The following ABCC1 variants were observed in gnomAD, a reference collection of about 807,000 sequenced individuals.
The protein encoded by ABCC1 is multidrug resistance-associated protein 1.
Under a neutral mutation model 172.9 loss-of-function variants are expected in ABCC1, and 83 were observed. That is an observed-to-expected ratio of 0.48 (90% CI 0.40 to 0.58). ABCC1 has a LOEUF of 0.58. ABCC1 is among the 20% of genes least tolerant of loss of function. The pLI, the probability that ABCC1 is intolerant of heterozygous loss-of-function variation, is 0.00. For missense variants in ABCC1, 1,817 were observed against 2,002.7 expected (o/e 0.91, Z 1.77); for synonymous variants, 937 against 825.2 (o/e 1.14, Z -2.32).
At chr16:16,076,007 C>T (rs955843918) in intron 14 of ABCC1, among the ~76,000 whole-genome samples, 19 of 119,162 alleles carry the variant, frequency 1.6e-4, no homozygotes, top group African/African-American at 2.8e-5. Context: ...GCCAGGGCAT[C>T]GAGAGCATTG....
chr16:16,046,016 A>C lies in ABCC1; in HGVS notation c.1218+3A>C. On this transcript the variant is annotated splice_donor_region_variant and intron_variant, in intron 9 of 30. Transcript: ENST00000399410. ...TCATTGGGGCTGTCTATCGGAAGGT[A>C]GGGGACGCTGTGCCATTGGCATGTG... The C allele has an allele frequency of 1.2e-6, 2 of 1,613,956 alleles. No homozygotes were observed. Among genetic ancestry groups the C allele is most frequent in the Non-Finnish European group, 1.7e-6 (2 of 1,179,952 alleles).
intron 12 of ABCC1, among the ~76,000 whole-genome samples, chr16:16,061,717 T>A (rs1333763693): frequency 1.3e-5 from 2 of 152,092 alleles, no homozygotes; most frequent in Non-Finnish European, 2.9e-5. Context: ...TTTATACAAG[T>A]GATAGTAAGA....
At chr16:16,108,960 G>T (rs980552475) in intron 21 of ABCC1, among the ~76,000 whole-genome samples, 1 of 151,762 alleles carries the variant, frequency 6.6e-6, no homozygotes. Flanking sequence ...GTTCCTGAAC[G>T]CTGCAGGCTA....
intron 1 of ABCC1, among the ~76,000 whole-genome samples, chr16:15,970,864 G>A (rs2046354399): frequency 6.6e-6 from 1 of 152,144 alleles, no homozygotes; most frequent in South Asian, 2.1e-4. Context: ...GAAAGTGTTG[G>A]GATTACAGGT....
intron 1 of ABCC1, among the ~76,000 whole-genome samples, chr16:15,987,883 GT>G (rs2046777191): frequency 6.6e-6 from 1 of 152,144 alleles, no homozygotes; most frequent in African/African-American, 2.4e-5. Flanking sequence ...TGCACTGGCT[GT>G]TTTCTCTGCT....
chr16:15,969,941 C>A (rs1294701952), intron 1 of ABCC1, among the ~76,000 whole-genome samples: 1 of 152,074 alleles, frequency 6.6e-6, no homozygotes, highest in Non-Finnish European at 1.5e-5. Flanking sequence ...CCTTGAGCCC[C>A]AGTCTTGTTG....
chr16:16,126,691 G>A (rs982155615), intron 26 of ABCC1, among the ~76,000 whole-genome samples: 1 of 152,078 alleles, frequency 6.6e-6, no homozygotes, highest in African/African-American at 2.4e-5. Context: ...GGCCTGTTAT[G>A]TATTTGTATA....
At chr16:16,008,020 G>T in intron 2 of ABCC1, 28 bp downstream of exon 2, 7 of 501,480 alleles carry the variant, frequency 1.4e-5, no homozygotes, top group South Asian at 1.8e-5. Context: ...TTCGTTGTGG[G>T]GGGTGGGAAG....
At chr16:15,956,251 G>C (rs926123324) in intron 1 of ABCC1, among the ~76,000 whole-genome samples, 5 of 151,962 alleles carry the variant, frequency 3.3e-5, no homozygotes, top group African/African-American at 1.2e-4. Flanking sequence ...TGTAATCCCA[G>C]CTACTTGAGA....
intron 1 of ABCC1, among the ~76,000 whole-genome samples, chr16:15,970,428 A>G (rs2046340192): frequency 6.6e-6 from 1 of 152,242 alleles, no homozygotes; most frequent in Non-Finnish European, 1.5e-5. Flanking sequence ...CTTTCTAAGC[A>G]GGATGTACCC....
chr16:16,141,504 A>G lies in ABCC1; in HGVS notation c.*223A>G. On this transcript the variant is annotated 3_prime_UTR_variant, in exon 31 of 31. Transcript: ENST00000399410. ...AGAGACAGAGATGCGAACCACCCAA[A>G]ACACGCACACCCTGCCCCTGGTGCC... 1 of 547,458 alleles carries G rather than the reference A, an allele frequency of 1.8e-6. No individual in the cohort carries two copies. Among genetic ancestry groups the G allele is most frequent in the Non-Finnish European group, 3.3e-6 (1 of 306,016 alleles). 33.9% of individuals were successfully genotyped at this position (547,458 alleles called of 1,614,324 possible).
At chr16:16,075,418 A>G (rs764380676) in intron 14 of ABCC1, among the ~76,000 whole-genome samples, 1 of 151,734 alleles carries the variant, frequency 6.6e-6, no homozygotes, top group Non-Finnish European at 1.5e-5. Context: ...TGAGGCCAAG[A>G]GTTCGAGACC....
At chr16:16,102,293 C>G (rs1034231219) in intron 19 of ABCC1, among the ~76,000 whole-genome samples, 2 of 152,210 alleles carry the variant, frequency 1.3e-5, no homozygotes, top group African/African-American at 4.8e-5. Flanking sequence ...AGGAAGTGAG[C>G]TTAACATAGC....
intron 1 of ABCC1, among the ~76,000 whole-genome samples, chr16:15,986,713 G>C (rs2046752791): frequency 6.6e-6 from 1 of 152,188 alleles, no homozygotes; most frequent in African/African-American, 2.4e-5. Context: ...TACCTGCAGA[G>C]TCCCTTTTGC....
chr16:16,134,625 C>CTTT (rs67073334), intron 28 of ABCC1, 117 bp downstream of exon 28: 175 of 355,412 alleles, frequency 4.9e-4, no homozygotes, highest in Middle Eastern at 2.7e-3. Context: ...CTTCATCGTT[C>CTTT]TTTTTTTTTT....
At chr16:16,028,653 A>G (rs1415777246) in intron 5 of ABCC1, among the ~76,000 whole-genome samples, 2 of 152,206 alleles carry the variant, frequency 1.3e-5, no homozygotes, top group African/African-American at 2.4e-5. Context: ...AGCAAACACC[A>G]CTACCTCCAC....
chr16:16,027,993 C>T lies in ABCC1; in HGVS notation c.616-5116C>T, dbSNP rs1345818655. Among the ~76,000 whole-genome samples the T allele has an allele frequency of 2.0e-5, 3 of 152,138 alleles. No homozygotes were observed. In the East Asian group the frequency reaches 5.8e-4, roughly 29 times the overall value. On this transcript the variant is annotated intron_variant, in intron 5 of 30. Transcript: ENST00000399410. ...TCATTTAATCTTCACCACCAAGGAA[C>T]TGACCCAAGGTCCCACAGCTAGGAA...
chr16:16,104,039 G>A (rs754143883), intron 20 of ABCC1, among the ~76,000 whole-genome samples: 36 of 152,170 alleles, frequency 2.4e-4, no homozygotes, highest in Non-Finnish European at 5.0e-4. Flanking sequence ...TTAAGGTGGC[G>A]TGTCTGGAGT....
At chr16:16,061,472 G>A (rs2049908658) in intron 12 of ABCC1, among the ~76,000 whole-genome samples, 1 of 152,214 alleles carries the variant, frequency 6.6e-6, no homozygotes, top group South Asian at 2.1e-4. Flanking sequence ...TCCCAGTGGT[G>A]ACAATAGAAA....
Sources: gnomAD v4.1 joint callset for allele counts (sites outside exome capture counted in the v4.1 genomes callset) on GRCh38, gnomAD v4.1.1 for gene constraint, MANE v1.5 for transcripts, NCBI Gene and HGNC (gene_info 2026-07-23, HGNC 2026-07-21) for gene names.